The following PSTPIP2 variants were observed in gnomAD, a reference collection of about 807,000 sequenced individuals.
The protein encoded by PSTPIP2 is proline-serine-threonine phosphatase interacting protein 2, also known as proline-serine-threonine phosphatase-interacting protein 2.
Under a neutral mutation model 63.3 loss-of-function variants are expected in PSTPIP2, and 33 were observed. The observed-to-expected ratio is 0.52, with a 90% confidence interval of 0.40 to 0.70. The LOEUF is 0.70. Among genes scored for constraint, PSTPIP2 ranks in the 30% least tolerant of loss-of-function variants. PSTPIP2 has a pLI of 0.00. For missense variants in PSTPIP2, 312 were observed against 400.7 expected, an observed-to-expected ratio of 0.78 and a Z score of 1.89; for synonymous variants, 125 against 132.7, an observed-to-expected ratio of 0.94 and a Z score of 0.40.
At chr18:46,072,032 A>C in intron 1 of PSTPIP2, 124 bp downstream of exon 1, 1 of 1,268,018 alleles carries the variant, frequency 7.9e-7, no homozygotes, top group South Asian at 1.8e-5. Flanking sequence ...GAGCTCCGCC[A>C]AGCCCCCGGG....
At chr18:46,031,308 T>C (rs1907780379) in intron 2 of PSTPIP2, among the ~76,000 whole-genome samples, 1 of 152,204 alleles carries the variant, frequency 6.6e-6, no homozygotes, top group South Asian at 2.1e-4. Flanking sequence ...TTCATCTTGC[T>C]CCTGGTACTG....
chr18:46,002,318 T>C (rs1373542819), intron 6 of PSTPIP2, among the ~76,000 whole-genome samples: 1 of 152,192 alleles, frequency 6.6e-6, no homozygotes, highest in Non-Finnish European at 1.5e-5. Flanking sequence ...AAAGCTGGGC[T>C]TTTTCAGCCC....
intron 2 of PSTPIP2, among the ~76,000 whole-genome samples, chr18:46,035,485 G>A (rs899590786): frequency 2.0e-5 from 3 of 151,578 alleles, no homozygotes; most frequent in Admixed American, 2.0e-4. Flanking sequence ...CCTGGACTTG[G>A]AAGGATGGGG....
chr18:46,003,464 G>A (rs570367852), intron 6 of PSTPIP2, among the ~76,000 whole-genome samples: 227 of 152,296 alleles, frequency 1.5e-3, no homozygotes, highest in Middle Eastern at 3.4e-3. Context: ...GGTTTTTTAC[G>A]TGGTGTTTGG....
intron 1 of PSTPIP2, among the ~76,000 whole-genome samples, chr18:46,063,315 T>C (rs967379610): frequency 6.6e-6 from 1 of 152,036 alleles, no homozygotes; most frequent in African/African-American, 2.4e-5. Context: ...ATAAGACACA[T>C]ATTGAGTAAA....
chr18:45,993,022 A>T (rs1271820691), intron 10 of PSTPIP2, among the ~76,000 whole-genome samples: 5 of 152,202 alleles, frequency 3.3e-5, no homozygotes. Flanking sequence ...CACCGTGCCC[A>T]GCCTACATTT....
At chr18:45,997,539 G>A (rs1470119624) in intron 9 of PSTPIP2, among the ~76,000 whole-genome samples, 1 of 151,586 alleles carries the variant, frequency 6.6e-6, no homozygotes, top group South Asian at 2.1e-4. Flanking sequence ...ATGAGAATCC[G>A]GGCAGATCAT....
chr18:46,005,817 A>G (rs1448537127), intron 5 of PSTPIP2, among the ~76,000 whole-genome samples: 1 of 152,238 alleles, frequency 6.6e-6, no homozygotes, highest in African/African-American at 2.4e-5. Flanking sequence ...AAAATCTGGA[A>G]TCAAGGAACT....
chr18:45,999,550 C>T lies in PSTPIP2; in HGVS notation c.418-16G>A. ...TCTTCTTTGCCTTTGTCATTATGAA[C>T]AAAGAGAACCAAAACAAATGAACAG... is the stretch of plus-strand genomic sequence containing the variant. On this transcript the variant is annotated splice_polypyrimidine_tract_variant and intron_variant, in intron 6 of 14. Coordinates refer to ENST00000409746, the MANE Select transcript of PSTPIP2 (RefSeq NM_024430.4). The T allele has an allele frequency of 6.2e-7, 1 of 1,613,316 alleles. No homozygotes were observed. The highest frequency in any genetic ancestry group is 8.5e-7 in the Non-Finnish European group (1 of 1,179,318).
intron 1 of PSTPIP2, among the ~76,000 whole-genome samples, chr18:46,068,307 T>C (rs544287716): frequency 6.6e-6 from 1 of 152,204 alleles, no homozygotes; most frequent in East Asian, 1.9e-4. Flanking sequence ...GGCTTACACC[T>C]CTTTTTTTGA....
rs142022526 is a variant in PSTPIP2, at chr18:46,029,306, G to C, written c.135-4620C>G. 3.3e-4 allele frequency: 497 copies of C among 1,510,754 alleles called. 3 individuals carry two copies. In the African/African-American group the frequency reaches 6.2e-3, roughly 19 times the overall value. 93.6% of individuals were successfully genotyped at this position (1,510,754 alleles called of 1,614,324 possible). On this transcript the variant is annotated intron_variant, in intron 2 of 14. Transcript: ENST00000409746. ...ATGGCATTGCTGGGTATTTGCATTT[G>C]CTATCGATGAAGACCAAAGAACTGA...
chr18:46,067,502 CA>C (rs534950641), intron 1 of PSTPIP2, among the ~76,000 whole-genome samples: 145 of 118,274 alleles, frequency 1.2e-3, no homozygotes, highest in Non-Finnish European at 1.3e-3. Context: ...GACTCTGTCT[CA>C]AAAAAAAAAA....
intron 6 of PSTPIP2, among the ~76,000 whole-genome samples, chr18:46,001,152 T>G (rs949848836): frequency 2.6e-5 from 4 of 152,204 alleles, no homozygotes; most frequent in African/African-American, 9.6e-5. Flanking sequence ...TATTTGTAGT[T>G]TTTTGAGAAA....
intron 12 of PSTPIP2, 103 bp downstream of exon 12, chr18:45,991,799 T>C (rs1366104722): frequency 6.3e-6 from 7 of 1,108,208 alleles, no homozygotes; most frequent in South Asian, 3.2e-5. Flanking sequence ...ATTAAGCAGA[T>C]GCAGTAGTAG....
chr18:46,038,685 A>G (rs112604879), intron 2 of PSTPIP2, among the ~76,000 whole-genome samples: 41 of 152,300 alleles, frequency 2.7e-4, no homozygotes, highest in African/African-American at 9.4e-4. Flanking sequence ...GCTCCCTTAA[A>G]GGAGGAGGAG....
chr18:46,044,057 A>G (rs138396398), intron 1 of PSTPIP2, among the ~76,000 whole-genome samples: 2 of 152,314 alleles, frequency 1.3e-5, no homozygotes, highest in South Asian at 2.1e-4. Context: ...TAAAATATCA[A>G]TTTCCCCAAA....
chr18:46,059,908 G>A (rs906955845), intron 1 of PSTPIP2, among the ~76,000 whole-genome samples: 1 of 152,186 alleles, frequency 6.6e-6, no homozygotes, highest in Non-Finnish European at 1.5e-5. Context: ...GCACATGCCT[G>A]TAATCCCAGC....
intron 3 of PSTPIP2, among the ~76,000 whole-genome samples, chr18:46,024,080 C>G (rs982999368): frequency 6.6e-6 from 1 of 151,778 alleles, no homozygotes; most frequent in Non-Finnish European, 1.5e-5. Flanking sequence ...TTTTTCAGGC[C>G]AAGTACAGTG....
chr18:46,068,133 A>G (rs1348326976), intron 1 of PSTPIP2, among the ~76,000 whole-genome samples: 2 of 151,924 alleles, frequency 1.3e-5, no homozygotes, highest in African/African-American at 4.9e-5. Context: ...CCAATTAAAA[A>G]ATACAAATAA....
Sources: gnomAD v4.1 joint callset for allele counts (sites outside exome capture counted in the v4.1 genomes callset) on GRCh38, gnomAD v4.1.1 for gene constraint, MANE v1.5 for transcripts, NCBI Gene and HGNC (gene_info 2026-07-23, HGNC 2026-07-21) for gene names.